The following REDIC1 variants were observed in gnomAD, a reference collection of about 807,000 sequenced individuals.
The protein encoded by REDIC1 is regulator of DNA class I crossover intermediates 1.
chr12:39,635,060 C>A, the REDIC1 span, among the ~76,000 whole-genome samples: 3 of 152,312 alleles, frequency 2.0e-5, no homozygotes, highest in Non-Finnish European at 4.4e-5. Context: ...CATTACTGGT[C>A]ATCAGAGAAA....
the REDIC1 span, among the ~76,000 whole-genome samples, chr12:39,717,036 G>A: frequency 6.6e-6 from 1 of 151,498 alleles, no homozygotes. Flanking sequence ...AAATGTCCAT[G>A]AGTACCATTT....
the REDIC1 span, among the ~76,000 whole-genome samples, chr12:39,706,794 G>T: frequency 6.6e-6 from 1 of 151,852 alleles, no homozygotes; most frequent in African/African-American, 2.4e-5. Flanking sequence ...GCGAAAACTG[G>T]TATCTGTATG....
chr12:39,727,745 G>A, the REDIC1 span, among the ~76,000 whole-genome samples: 3 of 152,120 alleles, frequency 2.0e-5, no homozygotes, highest in African/African-American at 7.2e-5. Context: ...ACTTTGGGCA[G>A]TATGGCCATT....
the REDIC1 span, among the ~76,000 whole-genome samples, chr12:39,854,303 C>A: frequency 6.6e-6 from 1 of 151,870 alleles, no homozygotes; most frequent in African/African-American, 2.4e-5. Context: ...AGGTAATATT[C>A]AAAAAGAATA....
the REDIC1 span, chr12:39,692,039 T>G: frequency 3.2e-6 from 5 of 1,563,910 alleles, no homozygotes; most frequent in Middle Eastern, 1.7e-4. Flanking sequence ...ACATTTTGGT[T>G]TTCTCCTAGA....
At chr12:39,675,618 T>A in the REDIC1 span, among the ~76,000 whole-genome samples, 1 of 152,204 alleles carries the variant, frequency 6.6e-6, no homozygotes, top group Non-Finnish European at 1.5e-5. Context: ...TCTGTTCATG[T>A]GACAACTTCA....
chr12:39,896,266 GTA>G, the REDIC1 span, among the ~76,000 whole-genome samples: 1 of 137,142 alleles, frequency 7.3e-6, no homozygotes, highest in East Asian at 2.4e-4. Flanking sequence ...GTATATGTGT[GTA>G]TATATGTATA....
the REDIC1 span, among the ~76,000 whole-genome samples, chr12:39,843,855 C>T: frequency 6.6e-6 from 1 of 151,976 alleles, no homozygotes; most frequent in Non-Finnish European, 1.5e-5. Context: ...TATACCAGCT[C>T]AACTTATTTC....
At chr12:39,752,048 T>TA in the REDIC1 span, among the ~76,000 whole-genome samples, 4 of 151,940 alleles carry the variant, frequency 2.6e-5, no homozygotes, top group Non-Finnish European at 5.9e-5. Flanking sequence ...ACTTAAAGTA[T>TA]AAAAAAAAGA....
the REDIC1 span, among the ~76,000 whole-genome samples, chr12:39,747,173 C>A: frequency 5.3e-5 from 8 of 152,076 alleles, no homozygotes; most frequent in Admixed American, 5.2e-4. Context: ...AGCTAAAAAT[C>A]TTGAAAAAAG....
the REDIC1 span, chr12:39,644,016 A>C: frequency 1.0e-6 from 1 of 991,296 alleles, no homozygotes; most frequent in Non-Finnish European, 1.4e-6. Context: ...AAGCATGTGG[A>C]AAATTAATTT....
At chr12:39,811,994 C>T in the REDIC1 span, among the ~76,000 whole-genome samples, 2 of 152,036 alleles carry the variant, frequency 1.3e-5, no homozygotes, top group African/African-American at 4.8e-5. Context: ...TTATGGTTAT[C>T]TCATAAAAGA....
chr12:39,692,537 CTT>C, the REDIC1 span, among the ~76,000 whole-genome samples: 2,581 of 150,416 alleles, frequency 0.017, 63 homozygotes, highest in African/African-American at 0.055. Context: ...CTGCAACTTG[CTT>C]TTTTTTTTCA....
chr12:39,663,782 G>A, the REDIC1 span, among the ~76,000 whole-genome samples: 1 of 149,796 alleles, frequency 6.7e-6, no homozygotes, highest in African/African-American at 2.4e-5. Context: ...CGTTATAGTA[G>A]ATATCATCCC....
chr12:39,657,921 C>T, the REDIC1 span, among the ~76,000 whole-genome samples: 1 of 151,824 alleles, frequency 6.6e-6, no homozygotes, highest in South Asian at 2.1e-4. Context: ...CATTTAATTT[C>T]CTCTGCGTTT....
chr12:39,684,846 C>T, the REDIC1 span: 3 of 1,571,420 alleles, frequency 1.9e-6, no homozygotes, highest in African/African-American at 1.4e-5. Flanking sequence ...AACTTTGATA[C>T]TGTGTATTTA....
the REDIC1 span, among the ~76,000 whole-genome samples, chr12:39,713,281 TACGTGTATATATGTGTACACACACATACG>T: frequency 9.1e-5 from 1 of 11,032 alleles, no homozygotes; most frequent in Non-Finnish European, 5.8e-4. Flanking sequence ...TACACACACA[TACGTGTATATATGTGTACACACACATACG>T]TGTATATATG....
At chr12:39,634,509 C>G in the REDIC1 span, among the ~76,000 whole-genome samples, 5 of 152,240 alleles carry the variant, frequency 3.3e-5, no homozygotes, top group South Asian at 1.0e-3. Flanking sequence ...TGATCTTTGA[C>G]AAACCTGACA....
the REDIC1 span, among the ~76,000 whole-genome samples, chr12:39,703,608 T>G: frequency 4.6e-5 from 7 of 151,976 alleles, no homozygotes; most frequent in African/African-American, 7.3e-5. Flanking sequence ...CCAAAAAAGA[T>G]CCCTCATTGC....
Sources: allele counts gnomAD v4.1 joint callset (sites outside exome capture counted in the v4.1 genomes callset), GRCh38; gene constraint gnomAD v4.1.1; transcripts MANE v1.5; gene names NCBI Gene and HGNC (gene_info 2026-07-23, HGNC 2026-07-21).